SERPINA6: variants seen among roughly 807,000 people sequenced by gnomAD.
The protein encoded by SERPINA6 is corticosteroid-binding globulin.
SERPINA6 carries 19 observed loss-of-function variants against 26.4 expected under a neutral mutation model. The ratio of observed to expected loss-of-function variants is 0.72; its 90% CI spans 0.50 to 1.06. The LOEUF (loss-of-function observed/expected upper bound fraction) is 1.06. Ranked by LOEUF, SERPINA6 falls within the 50% of genes least tolerant of loss-of-function variation. SERPINA6 has a pLI of 0.00. For synonymous variants in SERPINA6, 196 were observed against 199.4 expected (o/e 0.98, Z 0.14); for missense variants, 473 against 504.0 (o/e 0.94, Z 0.59).
At chr14:94,311,063 A>G (rs1895522644) in intron 2 of SERPINA6, among the ~76,000 whole-genome samples, 2 of 152,204 alleles carry the variant, frequency 1.3e-5, no homozygotes, top group African/African-American at 2.4e-5. Flanking sequence ...AACCTTTTGT[A>G]ATAGCTACTT....
chr14:94,314,922 C>A (rs1212006531), intron 1 of SERPINA6: 4 of 561,164 alleles, frequency 7.1e-6, no homozygotes, highest in Non-Finnish European at 1.3e-5. Context: ...TATATTCAGT[C>A]ATCTAACCAT....
intron 2 of SERPINA6, among the ~76,000 whole-genome samples, chr14:94,313,586 G>C (rs1895563850): frequency 6.6e-6 from 1 of 152,322 alleles, no homozygotes; most frequent in East Asian, 1.9e-4. Flanking sequence ...AGAGCTTCCA[G>C]GTTTTTATGA....
At position 94,304,476 on chromosome 14, in the gene SERPINA6, A is replaced by G; in HGVS notation, c.1160T>C (p.Ile387Thr). 1 of 1,614,162 alleles carries G rather than the reference A, an allele frequency of 6.2e-7. No individual in the cohort carries two copies. Among genetic ancestry groups the G allele is most frequent in the Non-Finnish European group, 8.5e-7 (1 of 1,180,026 alleles). ...GCTGCTCCAGGTGAAGTGGTCGAAG[A>G]TCATGATGATGAAGGGCTGGTTGAA... ...LRFNQPFIIM[I>T]FDHFTWSSLF... is the part of the protein sequence containing the mutation. The change falls in exon 5 of 5, where the codon ATC (isoleucine) becomes ACC (threonine). Residue 387 changes from isoleucine (I) to threonine (T), a missense_variant. Transcript: ENST00000341584.
chr14:94,315,945 C>T (rs1468273413), intron 1 of SERPINA6, among the ~76,000 whole-genome samples: 1 of 152,066 alleles, frequency 6.6e-6, no homozygotes, highest in Non-Finnish European at 1.5e-5. Context: ...AAGTTAACAC[C>T]TGAATTTGAA....
At position 94,314,815 on chromosome 14, in the gene SERPINA6, G is replaced by A. The variant is rs996801929; in HGVS notation, c.-19-148C>T. 24 of 717,994 alleles carry A rather than the reference G, an allele frequency of 3.3e-5. No homozygotes were observed. In the East Asian group the frequency reaches 4.3e-4, roughly 13 times the overall value. The allele number at this position is 717,994 out of a possible 1,614,324, so 44.5% of individuals were successfully genotyped here. A position where few individuals can be genotyped will look rare whatever the true frequency, so the allele number is the denominator to read the frequency against. The stretch of plus-strand genomic sequence containing the variant: ...TGACCTGGAGCACATCACAGAGGGC[G>A]CTGGACTTCAGTTTCCTCATCTGGA... On this transcript the variant is annotated intron_variant, in intron 1 of 4. Coordinates refer to ENST00000341584, the MANE Select transcript of SERPINA6 (RefSeq NM_001756.4).
intron 2 of SERPINA6, among the ~76,000 whole-genome samples, chr14:94,311,522 G>A (rs911245426): frequency 3.9e-5 from 6 of 152,146 alleles, no homozygotes; most frequent in African/African-American, 1.2e-4. Context: ...AGTTCTAGGA[G>A]AATTGGTGGT....
intron 2 of SERPINA6, chr14:94,313,761 T>C (rs1895567405): frequency 1.7e-6 from 1 of 589,282 alleles, no homozygotes; most frequent in Admixed American, 2.5e-5. Flanking sequence ...TTGTGGAGCA[T>C]GAAGCAGCCA....
intron 1 of SERPINA6, among the ~76,000 whole-genome samples, chr14:94,319,176 G>A (rs1336798977): frequency 6.6e-6 from 1 of 152,212 alleles, no homozygotes; most frequent in Non-Finnish European, 1.5e-5. Flanking sequence ...TGGCACACCA[G>A]GCATGATGGC....
chr14:94,314,706 C>T, intron 1 of SERPINA6, 39 bp from the exon 2 acceptor site: 2 of 1,595,172 alleles, frequency 1.3e-6, no homozygotes, highest in Admixed American at 1.7e-5. Context: ...CTGTGGCAGT[C>T]TCTGAGTCAA....
At chr14:94,323,158 C>G (rs1998056) in intron 1 of SERPINA6, 109 bp downstream of exon 1, 81,862 of 152,112 alleles carry the variant, frequency 0.54, 22,436 homozygotes, top group South Asian at 0.7. Context: ...TCAATGTGCC[C>G]TTTAAAAAAA....
rs749864746 is a variant in SERPINA6, at chr14:94,314,236, TC to T, written c.412del (p.Glu138SerfsTer21). 1 of 1,614,210 alleles carries T rather than the reference TC, an allele frequency of 6.2e-7. No individual in the cohort carries two copies. The highest frequency in any genetic ancestry group is 1.1e-5 in the South Asian group (1 of 91,082). On this transcript the variant is annotated frameshift_variant, in exon 2 of 5. Coordinates refer to ENST00000341584, the MANE Select transcript of SERPINA6 (RefSeq NM_001756.4). LOFTEE classifies it high-confidence loss of function. ...GNALFLDGSL[E>X]LLESFSADIK... is the part of the protein sequence containing the mutation. ...GTCTGCTGAGAATGACTCCAGCAACTCCAGGCTGCCATCAAGAAACAAGGCA... is the reference window on the plus strand; with the variant it reads ...GTCTGCTGAGAATGACTCCAGCAACTCAGGCTGCCATCAAGAAACAAGGCA...
At chr14:94,310,330 G>A (rs1418421251) in intron 2 of SERPINA6, among the ~76,000 whole-genome samples, 5 of 152,104 alleles carry the variant, frequency 3.3e-5, no homozygotes, top group Non-Finnish European at 5.9e-5. Context: ...GCCTAGAGTG[G>A]GTCCCAGTTC....
intron 2 of SERPINA6, among the ~76,000 whole-genome samples, chr14:94,312,699 G>C (rs535017181): frequency 1.3e-5 from 2 of 152,222 alleles, no homozygotes; most frequent in Non-Finnish European, 2.9e-5. Context: ...TCCCAGCCTT[G>C]TGCTGGAGAG....
chr14:94,309,964 T>C lies in SERPINA6; in HGVS notation c.656A>G (p.Glu219Gly), dbSNP rs775826357. 9 of 1,614,054 alleles carry C rather than the reference T, an allele frequency of 5.6e-6. No individual in the cohort carries two copies. Among genetic ancestry groups the C allele is most frequent in the Non-Finnish European group, 7.6e-6 (9 of 1,179,994 alleles). Reference sequence around the variant, plus strand: ...AGTTGTCTCGTCCACATAGAAGTTCTCCTCCCTGGTGCTTGCCAGGTCAAA... The same window carrying C: ...AGTTGTCTCGTCCACATAGAAGTTCCCCTCCCTGGTGCTTGCCAGGTCAAA... ...QPFDLASTRE[E>G]NFYVDETTVV... The change falls in exon 3 of 5, where the codon GAG becomes GGG. Residue 219 changes from glutamate to glycine, a missense_variant. Coordinates refer to ENST00000341584, the MANE Select transcript of SERPINA6 (RefSeq NM_001756.4).
At chr14:94,309,071 C>A (rs140966519) in intron 3 of SERPINA6, among the ~76,000 whole-genome samples, 65 of 152,342 alleles carry the variant, frequency 4.3e-4, no homozygotes, top group African/African-American at 1.1e-3. Context: ...GAGTGTCAAC[C>A]CTGCACCAGC....
intron 4 of SERPINA6, 56 bp downstream of exon 4, chr14:94,306,015 T>A: frequency 6.2e-7 from 1 of 1,603,492 alleles, no homozygotes. Flanking sequence ...CCTAGTATTA[T>A]ATTTATATTG....
chr14:94,309,699 G>C, intron 3 of SERPINA6, 37 bp downstream of exon 3: 1 of 1,610,972 alleles, frequency 6.2e-7, no homozygotes, highest in Non-Finnish European at 8.5e-7. Flanking sequence ...GGGGACACGT[G>C]CATTGCAGAA....
intron 1 of SERPINA6, among the ~76,000 whole-genome samples, chr14:94,320,886 G>A (rs886873078): frequency 2.0e-5 from 3 of 152,062 alleles, no homozygotes; most frequent in Admixed American, 6.5e-5. Context: ...CCCACTCCCC[G>A]CACCCAAATG....
intron 1 of SERPINA6, among the ~76,000 whole-genome samples, chr14:94,319,938 T>C (rs1895660865): frequency 6.6e-6 from 1 of 152,082 alleles, no homozygotes; most frequent in South Asian, 2.1e-4. Flanking sequence ...AGTTAAAACG[T>C]TAGGTATTAT....
Sources: gnomAD v4.1 joint callset for allele counts (sites outside exome capture counted in the v4.1 genomes callset) on GRCh38, gnomAD v4.1.1 for gene constraint, MANE v1.5 for transcripts, NCBI Gene and HGNC (gene_info 2026-07-23, HGNC 2026-07-21) for gene names.